The following SNX29 variants were observed in gnomAD, a reference collection of about 807,000 sequenced individuals.
SNX29 encodes the protein sorting nexin-29.
SNX29 carries 78 observed loss-of-function variants against 102.1 expected under a neutral mutation model. The observed-to-expected ratio is 0.76, with a 90% confidence interval of 0.64 to 0.92. SNX29 has a LOEUF of 0.92. Ranked by LOEUF, SNX29 falls within the 40% of genes least tolerant of loss-of-function variation. SNX29 has a pLI of 0.00. For synonymous variants in SNX29, 580 were observed against 414.5 expected (o/e 1.40, Z -4.85); for missense variants, 1,280 against 1,061.7 (o/e 1.21, Z -2.86).
At chr16:12,265,644 T>C (rs2078905065) in intron 14 of SNX29, among the ~76,000 whole-genome samples, 2 of 137,486 alleles carry the variant, frequency 1.5e-5, no homozygotes, top group Admixed American at 1.7e-4. Context: ...GTGGATCAAT[T>C]GTGCCTAGGA....
intron 4 of SNX29, among the ~76,000 whole-genome samples, chr16:12,033,315 C>CTGG (rs1028003237): frequency 3.9e-5 from 6 of 151,976 alleles, no homozygotes; most frequent in African/African-American, 1.5e-4. Context: ...CTTGCCCAGG[C>CTGG]TGGTCTCAAA....
intron 11 of SNX29, among the ~76,000 whole-genome samples, chr16:12,115,230 C>T (rs1259660404): frequency 1.4e-4 from 22 of 152,046 alleles, no homozygotes. Flanking sequence ...GTGTTGTCTT[C>T]TTCTTGGCTG....
At chr16:12,145,508 CT>C (rs1193021752) in intron 13 of SNX29, among the ~76,000 whole-genome samples, 4 of 152,094 alleles carry the variant, frequency 2.6e-5, no homozygotes, top group African/African-American at 9.7e-5. Flanking sequence ...TTTTTCCCCC[CT>C]GCATATGAAA....
intron 16 of SNX29, among the ~76,000 whole-genome samples, chr16:12,361,004 G>A (rs919437843): frequency 6.6e-6 from 1 of 152,226 alleles, no homozygotes; most frequent in Non-Finnish European, 1.5e-5. Flanking sequence ...GTATGGGAGA[G>A]GGGGTCCCCT....
At chr16:12,211,400 G>C (rs923254140) in intron 14 of SNX29, among the ~76,000 whole-genome samples, 2 of 152,236 alleles carry the variant, frequency 1.3e-5, no homozygotes, top group African/African-American at 4.8e-5. Context: ...GCTGGGCCCC[G>C]GGGTAGCTTT....
At chr16:12,483,703 A>G (rs903022510) in intron 19 of SNX29, among the ~76,000 whole-genome samples, 3 of 152,170 alleles carry the variant, frequency 2.0e-5, no homozygotes, top group East Asian at 1.9e-4. Context: ...ACAAGGGTAT[A>G]TCTTTGGCTC....
chr16:12,124,391 C>A (rs1007175834), intron 11 of SNX29, among the ~76,000 whole-genome samples: 8 of 151,744 alleles, frequency 5.3e-5, no homozygotes, highest in African/African-American at 1.9e-4. Context: ...TTCTACACTG[C>A]CAGTTTACTG....
intron 9 of SNX29, among the ~76,000 whole-genome samples, chr16:12,066,303 C>T (rs1567175576): frequency 2.0e-5 from 3 of 152,132 alleles, no homozygotes; most frequent in Admixed American, 6.6e-5. Flanking sequence ...GCAGTGGACA[C>T]GACTTGTGAG....
intron 14 of SNX29, among the ~76,000 whole-genome samples, chr16:12,215,197 A>G (rs2077288726): frequency 6.6e-6 from 1 of 152,114 alleles, no homozygotes; most frequent in Non-Finnish European, 1.5e-5. Flanking sequence ...ACTGAAGCTT[A>G]GAAAGGTCAG....
chr16:12,223,391 G>A, intron 14 of SNX29, among the ~76,000 whole-genome samples: 1 of 152,172 alleles, frequency 6.6e-6, no homozygotes, highest in East Asian at 1.9e-4. Flanking sequence ...GCTTCGCACG[G>A]TGGCTTATGC....
intron 15 of SNX29, among the ~76,000 whole-genome samples, chr16:12,351,527 G>C (rs1027627013): frequency 1.3e-5 from 2 of 152,200 alleles, no homozygotes; most frequent in African/African-American, 2.4e-5. Flanking sequence ...TGATTTACTT[G>C]AATGTGATTA....
chr16:11,979,894 A>T (rs1014391069), intron 1 of SNX29, among the ~76,000 whole-genome samples: 2 of 152,128 alleles, frequency 1.3e-5, no homozygotes, highest in Non-Finnish European at 2.9e-5. Context: ...CACCTGCCTC[A>T]GCCCCACAAA....
At chr16:12,243,204 A>G (rs1055210691) in intron 14 of SNX29, among the ~76,000 whole-genome samples, 2 of 152,230 alleles carry the variant, frequency 1.3e-5, no homozygotes, top group Non-Finnish European at 2.9e-5. Flanking sequence ...TGTAGTTGAC[A>G]GTGAATAAGC....
chr16:12,554,026 A>T (rs953595856), intron 20 of SNX29, among the ~76,000 whole-genome samples: 1 of 151,854 alleles, frequency 6.6e-6, no homozygotes, highest in Non-Finnish European at 1.5e-5. Context: ...CGTTTTAACC[A>T]TGTTGCCCAG....
intron 3 of SNX29, among the ~76,000 whole-genome samples, chr16:12,004,340 CA>C (rs759151874): frequency 0.018 from 2,138 of 118,930 alleles, 23 homozygotes; most frequent in African/African-American, 0.055. Flanking sequence ...GATTCCATCT[CA>C]AAAAAAAAAA....
intron 20 of SNX29, among the ~76,000 whole-genome samples, chr16:12,530,260 C>T (rs896049671): frequency 2.0e-5 from 3 of 152,116 alleles, no homozygotes; most frequent in East Asian, 1.9e-4. Flanking sequence ...TTTAGAACAG[C>T]GCATCACACA....
intron 20 of SNX29, among the ~76,000 whole-genome samples, chr16:12,544,779 C>G (rs1000794134): frequency 6.6e-6 from 1 of 152,202 alleles, no homozygotes; most frequent in Non-Finnish European, 1.5e-5. Context: ...AGCTGGTAAA[C>G]TGCAGAGCCA....
intron 13 of SNX29, among the ~76,000 whole-genome samples, chr16:12,179,216 T>C (rs753482615): frequency 6.6e-6 from 1 of 152,340 alleles, no homozygotes; most frequent in South Asian, 2.1e-4. Flanking sequence ...CCGGGCACAG[T>C]TGCTCACACC....
chr16:12,535,387 C>T (rs898620137), intron 20 of SNX29, among the ~76,000 whole-genome samples: 3 of 152,206 alleles, frequency 2.0e-5, no homozygotes, highest in East Asian at 3.8e-4. Context: ...TCACCCATCT[C>T]GGCCTCCCAA....
Sources: gnomAD v4.1 joint callset for allele counts (sites outside exome capture counted in the v4.1 genomes callset) on GRCh38, gnomAD v4.1.1 for gene constraint, MANE v1.5 for transcripts, NCBI Gene and HGNC (gene_info 2026-07-23, HGNC 2026-07-21) for gene names.